Variants in GGA1 observed in about 807,000 individuals in gnomAD.
GGA1 encodes the protein ADP-ribosylation factor-binding protein GGA1.
GGA1 carries 18 observed loss-of-function variants against 76.9 expected under a neutral mutation model. The ratio of observed to expected loss-of-function variants is 0.23; its 90% CI spans 0.16 to 0.35. GGA1 has a LOEUF of 0.35. Ranked by LOEUF, GGA1 falls within the 10% of genes least tolerant of loss-of-function variation. GGA1 has a pLI of 1.00. For missense variants in GGA1, 755 were observed against 859.0 expected, an observed-to-expected ratio of 0.88 and a Z score of 1.51; for synonymous variants, 342 against 354.7, an observed-to-expected ratio of 0.96 and a Z score of 0.40.
intron 13 of GGA1, 168 bp from the exon 14 acceptor site, chr22:37,630,735 T>G: frequency 5.1e-6 from 3 of 582,708 alleles, no homozygotes; most frequent in Non-Finnish European, 9.1e-6. Flanking sequence ...CCCAGCTAGT[T>G]TTTTGTATTT....
At chr22:37,620,699 G>A in intron 5 of GGA1, 114 bp from the exon 6 acceptor site, 2 of 751,296 alleles carry the variant, frequency 2.7e-6, no homozygotes, top group South Asian at 1.5e-5. Context: ...CAGCGTGCTG[G>A]CAAAAGACTG....
In GGA1 at chr22:37,625,801, C is replaced by T; in HGVS notation, c.945C>T (p.Ser315=). The part of the protein sequence containing the change: ...GDATAGSIPG[S]TSALLDLSGL... Reference sequence around the variant, plus strand: ...GCCTCTTCTTTCCCACCCCAGGGAGCACCTCGGCCCTGCTGGATCTCTCAG... The same window carrying T: ...GCCTCTTCTTTCCCACCCCAGGGAGTACCTCGGCCCTGCTGGATCTCTCAG... Residue 315 remains serine (S), a synonymous_variant, in exon 11 of 17, where the codon AGC becomes AGT. Coordinates refer to ENST00000343632, the MANE Select transcript of GGA1 (RefSeq NM_013365.5). The surrounding 1 kb of genome is among the most constrained non-coding windows in gnomAD (Gnocchi z 4.1). The T allele has an allele frequency of 1.9e-6, 3 of 1,569,528 alleles. No individual in the cohort carries two copies. Among genetic ancestry groups the T allele is most frequent in the Non-Finnish European group, 2.6e-6 (3 of 1,154,276 alleles).
At chr22:37,628,416 T>C (rs1012151439) in intron 11 of GGA1, among the ~76,000 whole-genome samples, 4 of 152,194 alleles carry the variant, frequency 2.6e-5, no homozygotes, top group Non-Finnish European at 4.4e-5. Context: ...CACAGCCAAG[T>C]GGCAGAGTTG....
intron 11 of GGA1, chr22:37,627,013 T>A (rs1447873470): frequency 6.6e-6 from 1 of 152,088 alleles, no homozygotes; most frequent in Non-Finnish European, 1.5e-5. Flanking sequence ...AATACAAAAT[T>A]AGCTGGGCGT....
intron 11 of GGA1, 97 bp downstream of exon 11, chr22:37,626,046 G>C: frequency 1.0e-6 from 1 of 981,002 alleles, no homozygotes; most frequent in Non-Finnish European, 1.5e-6. Flanking sequence ...CGTACCCCAG[G>C]TGTGGATCCT....
chr22:37,625,432 G>A lies in GGA1; in HGVS notation c.940+356G>A, dbSNP rs956061042. ...AGAAAAGTAAACATTACAGACTCAG[G>A]TCTAATAAGGGTAAGATGGCAGCCT... On this transcript the variant is annotated intron_variant, in intron 10 of 16. Coordinates refer to ENST00000343632, the MANE Select transcript of GGA1 (RefSeq NM_013365.5). The surrounding 1 kb of genome is among the most constrained non-coding windows in gnomAD (Gnocchi z 4.1). Among the ~76,000 whole-genome samples the A allele has an allele frequency of 2.6e-5, 4 of 152,130 alleles. No homozygotes were observed. Among genetic ancestry groups the A allele is most frequent in the Non-Finnish European group, 5.9e-5 (4 of 68,030 alleles).
At chr22:37,614,421 G>A (rs1225744040) in intron 2 of GGA1, 147 bp downstream of exon 2, 28 of 637,770 alleles carry the variant, frequency 4.4e-5, no homozygotes, top group Admixed American at 1.4e-4. Flanking sequence ...ACTGAATGCT[G>A]TTTGGGTGTC....
At chr22:37,615,111 C>G (rs1026093201) in intron 2 of GGA1, among the ~76,000 whole-genome samples, 2 of 151,336 alleles carry the variant, frequency 1.3e-5, no homozygotes, top group Non-Finnish European at 1.5e-5. Flanking sequence ...CTAGCCTGGG[C>G]AACATAGCGG....
intron 1 of GGA1, 75 bp from the exon 2 acceptor site, chr22:37,614,114 AC>A: frequency 1.0e-6 from 1 of 991,652 alleles, no homozygotes; most frequent in Non-Finnish European, 1.6e-6. Context: ...TCCTGACCAC[AC>A]CTTTGCCAGG....
intron 5 of GGA1, 125 bp downstream of exon 5, chr22:37,620,486 G>A (rs1372196570): frequency 3.9e-6 from 4 of 1,019,178 alleles, no homozygotes; most frequent in East Asian, 4.8e-5. Flanking sequence ...TTTAACTTCT[G>A]GAGAAAGTAC....
chr22:37,623,749 C>T lies in GGA1; in HGVS notation c.832+116C>T, dbSNP rs1930319644. On this transcript the variant is annotated intron_variant, in intron 9 of 16. Coordinates refer to ENST00000343632, the MANE Select transcript of GGA1 (RefSeq NM_013365.5). This position sits in a 1 kb window ranked among gnomAD's most constrained non-coding sequence, Gnocchi z 4.6. ...TTGGAAGGAGCCACCACCAGGGGGC[C>T]CCCTTCTCCAGCACCGACCTTGGGT... is the stretch of plus-strand genomic sequence containing the variant. 1.4e-6 allele frequency: 1 copy of T among 738,506 alleles called. No homozygotes were observed. Among genetic ancestry groups the T allele is most frequent in the Admixed American group, 2.3e-5 (1 of 42,726 alleles). The allele number at this position is 738,506 out of a possible 1,614,324, so 45.7% of individuals were successfully genotyped here.
At chr22:37,627,941 C>T (rs1276385723) in intron 11 of GGA1, among the ~76,000 whole-genome samples, 1 of 152,238 alleles carries the variant, frequency 6.6e-6, no homozygotes, top group Non-Finnish European at 1.5e-5. Context: ...ATCCTCCCAT[C>T]TCAGGCTCCT....
At chr22:37,621,074 T>A (rs1050284180) in intron 6 of GGA1, among the ~76,000 whole-genome samples, 161 bp downstream of exon 6, 6 of 152,200 alleles carry the variant, frequency 3.9e-5, no homozygotes, top group African/African-American at 1.4e-4. Context: ...ATTTAATATG[T>A]GCTGAGTATG....
At chr22:37,627,516 C>T (rs1384033758) in intron 11 of GGA1, among the ~76,000 whole-genome samples, 11 of 152,134 alleles carry the variant, frequency 7.2e-5, no homozygotes, top group Admixed American at 6.5e-4. Context: ...AAGTAAAGGA[C>T]GGTCAAGGGA....
chr22:37,631,254 G>A (rs949622912), intron 14 of GGA1, among the ~76,000 whole-genome samples, 155 bp downstream of exon 14: 2 of 152,182 alleles, frequency 1.3e-5, no homozygotes, highest in Admixed American at 1.3e-4. Context: ...CCCTTCCCAG[G>A]AGTCAGTTTC....
chr22:37,631,565 A>G (rs1394953023), intron 14 of GGA1, among the ~76,000 whole-genome samples: 1 of 152,124 alleles, frequency 6.6e-6, no homozygotes, highest in Non-Finnish European at 1.5e-5. Context: ...CCTGTGACCA[A>G]AGACACTACC....
chr22:37,622,324 G>T (rs1436592938), intron 7 of GGA1, among the ~76,000 whole-genome samples: 2 of 150,746 alleles, frequency 1.3e-5, no homozygotes, highest in Non-Finnish European at 1.5e-5. Context: ...CAAGCAATCT[G>T]CCTGCCTCGG....
intron 1 of GGA1, among the ~76,000 whole-genome samples, chr22:37,613,700 C>T (rs995817256): frequency 4.6e-5 from 7 of 152,024 alleles, no homozygotes; most frequent in African/African-American, 1.7e-4. Context: ...TGCCTGGCCC[C>T]TCCTCTGTGT....
intron 4 of GGA1, among the ~76,000 whole-genome samples, chr22:37,619,379 ATT>A (rs1318301803): frequency 2.4e-4 from 26 of 108,002 alleles, no homozygotes; most frequent in African/African-American, 4.1e-4. Flanking sequence ...TACCGTGAAC[ATT>A]TTTTTTTTTT....
Sources: allele counts gnomAD v4.1 joint callset (sites outside exome capture counted in the v4.1 genomes callset), GRCh38; gene constraint gnomAD v4.1.1; non-coding constraint Gnocchi (gnomAD v3.1); transcripts MANE v1.5; gene names NCBI Gene and HGNC (gene_info 2026-07-23, HGNC 2026-07-21).